Variants in DMRT1 observed in about 807,000 individuals in gnomAD.
The protein encoded by DMRT1 is doublesex- and mab-3-related transcription factor 1.
DMRT1 carries 7 observed loss-of-function variants against 32.3 expected under a neutral mutation model. That is an observed-to-expected ratio of 0.22 (90% CI 0.12 to 0.41). The LOEUF (loss-of-function observed/expected upper bound fraction) is 0.41, where lower values mean the gene tolerates loss of function less well. Ranked by LOEUF, DMRT1 falls within the 10% of genes least tolerant of loss-of-function variation. The probability of loss-of-function intolerance (pLI) is 1.00; values close to 1 mark genes in which losing one functional copy is unlikely to be tolerated. For synonymous variants in DMRT1, 278 were observed against 206.1 expected (o/e 1.35, Z -2.99); for missense variants, 625 against 500.5 (o/e 1.25, Z -2.37).
intron 4 of DMRT1, among the ~76,000 whole-genome samples, chr9:932,307 C>T (rs1586634887): frequency 3.9e-5 from 6 of 152,252 alleles, no homozygotes; most frequent in Admixed American, 3.9e-4. Flanking sequence ...TGCCAGTTTT[C>T]CTGGCAGATA....
In DMRT1 at chr9:870,292, G is replaced by A. The variant is rs1310876825; in HGVS notation, c.538+23149G>A. Among the ~76,000 whole-genome samples the A allele has an allele frequency of 2.0e-5, 3 of 152,034 alleles. No individual in the cohort carries two copies. In the South Asian group the frequency reaches 6.2e-4, roughly 32 times the overall value. ...CGTGCACCTGTAATCCCAGCTACTC[G>A]GGAGGCTGAGGCAAGAGAATCGCTT... is the stretch of plus-strand genomic sequence containing the variant. On this transcript the variant is annotated intron_variant, in intron 2 of 4. Coordinates refer to ENST00000382276, the MANE Select transcript of DMRT1 (RefSeq NM_021951.3).
chr9:860,337 A>C (rs895322139), intron 2 of DMRT1, among the ~76,000 whole-genome samples: 2 of 152,146 alleles, frequency 1.3e-5, no homozygotes, highest in African/African-American at 4.8e-5. Context: ...AAAATACACA[A>C]AATACAAATT....
chr9:906,275 T>C (rs1386755521), intron 3 of DMRT1, among the ~76,000 whole-genome samples: 2 of 152,138 alleles, frequency 1.3e-5, no homozygotes, highest in Non-Finnish European at 2.9e-5. Flanking sequence ...TGTGTGCGTG[T>C]GCTTAGTTAG....
rs574602293 is a variant in DMRT1 at position 852,415 on chromosome 9, A to G, written c.538+5272A>G. ...AAAATGTACTTTTTTTTTTTTTTCGAAAGTTATTAGCTGACTTAAATCTCA... is the reference window on the plus strand; with the variant it reads ...AAAATGTACTTTTTTTTTTTTTTCGGAAGTTATTAGCTGACTTAAATCTCA... On this transcript the variant is annotated intron_variant, in intron 2 of 4. Coordinates refer to ENST00000382276, the MANE Select transcript of DMRT1 (RefSeq NM_021951.3). Among the ~76,000 whole-genome samples, 18 of 141,092 alleles carry G rather than the reference A, an allele frequency of 1.3e-4. No individual in the cohort carries two copies. The South Asian group carries it at 3.3e-3, about 26-fold the overall frequency. 92.6% of individuals were successfully genotyped at this position (141,092 alleles called of 152,430 possible). A position where few individuals can be genotyped will look rare whatever the true frequency, so the allele number is the denominator to read the frequency against.
chr9:912,706 G>A lies in DMRT1; in HGVS notation c.823-4057G>A, dbSNP rs182868501. ...TTAGCCTGTTTTAGTTAATATAGGGGATTGTTGGGATCTCGTACTTCCAAG... is the reference window on the plus strand; with the variant it reads ...TTAGCCTGTTTTAGTTAATATAGGGAATTGTTGGGATCTCGTACTTCCAAG... On this transcript the variant is annotated intron_variant, in intron 3 of 4. Coordinates refer to ENST00000382276, the MANE Select transcript of DMRT1 (RefSeq NM_021951.3). Among the ~76,000 whole-genome samples, 6 of 152,130 alleles carry A rather than the reference G, an allele frequency of 3.9e-5. No homozygotes were observed. In the South Asian group the frequency reaches 6.2e-4, roughly 16 times the overall value.
At chr9:863,806 G>C (rs550415178) in intron 2 of DMRT1, among the ~76,000 whole-genome samples, 5 of 152,294 alleles carry the variant, frequency 3.3e-5, no homozygotes, top group African/African-American at 9.6e-5. Context: ...TTGTTAGTGG[G>C]GTTGAACATC....
chr9:950,017 A>G (rs1819377507), intron 4 of DMRT1, among the ~76,000 whole-genome samples: 1 of 152,216 alleles, frequency 6.6e-6, no homozygotes, highest in African/African-American at 2.4e-5. Context: ...GTGCTGCAGT[A>G]AATATGGGTG....
intron 4 of DMRT1, among the ~76,000 whole-genome samples, chr9:921,292 C>T (rs1432196132): frequency 1.3e-5 from 2 of 152,202 alleles, no homozygotes; most frequent in African/African-American, 2.4e-5. Context: ...TTTCATGATT[C>T]AGCTACACTG....
intron 2 of DMRT1, among the ~76,000 whole-genome samples, chr9:877,425 T>A (rs909016353): frequency 1.3e-5 from 2 of 152,338 alleles, no homozygotes; most frequent in East Asian, 3.9e-4. Context: ...GGTGGGCACA[T>A]GTATGGCCAG....
chr9:843,043 G>A (rs1175643779), intron 1 of DMRT1: 1 of 152,196 alleles, frequency 6.6e-6, no homozygotes, highest in Non-Finnish European at 1.5e-5. Flanking sequence ...AATTCTCTCC[G>A]CTTTGGGGTC....
At chr9:949,534 A>C (rs1161179423) in intron 4 of DMRT1, among the ~76,000 whole-genome samples, 4 of 152,170 alleles carry the variant, frequency 2.6e-5, no homozygotes, top group Non-Finnish European at 5.9e-5. Flanking sequence ...CACCTGCAAA[A>C]GTTTCTTACT....
intron 4 of DMRT1, among the ~76,000 whole-genome samples, chr9:952,392 G>GAT (rs1819456707): frequency 6.6e-6 from 1 of 152,172 alleles, no homozygotes. Flanking sequence ...TTGGACGTGA[G>GAT]ATAAAACATG....
At chr9:926,686 GTAGAGAGA>G (rs796434364) in intron 4 of DMRT1, among the ~76,000 whole-genome samples, 3,287 of 148,698 alleles carry the variant, frequency 0.022, 64 homozygotes, top group African/African-American at 0.048. Flanking sequence ...GAAGACACAG[GTAGAGAGA>G]GAGAGAGAGA....
intron 2 of DMRT1, among the ~76,000 whole-genome samples, chr9:870,490 C>T (rs954045991): frequency 6.6e-6 from 1 of 152,122 alleles, no homozygotes; most frequent in African/African-American, 2.4e-5. Flanking sequence ...CCCGTGACAG[C>T]ATCCGTCATA....
In DMRT1 at chr9:858,981, C is replaced by G. The variant is rs1815533145; in HGVS notation, c.538+11838C>G. ...TGCAACTGTCACCACCATCCATCTC[C>G]AGAACTTCCCAGACAGAAACTCTGT... On this transcript the variant is annotated intron_variant, in intron 2 of 4. Transcript: ENST00000382276. Among the ~76,000 whole-genome samples the G allele has an allele frequency of 2.0e-5, 3 of 151,780 alleles. No homozygotes were observed. The South Asian group carries it at 6.2e-4, about 32-fold the overall frequency.
intron 2 of DMRT1, among the ~76,000 whole-genome samples, chr9:878,211 A>G (rs10977252): frequency 1.0e-4 from 6 of 58,582 alleles, no homozygotes; most frequent in East Asian, 5.2e-4. Context: ...CCCCCCCCCC[A>G]CCCAATAAAA....
rs1564282594 is a variant in DMRT1 at position 968,124 on chromosome 9, C to T, written c.1107C>T (p.Ile369=). The T allele has an allele frequency of 1.9e-6, 3 of 1,611,776 alleles. No homozygotes were observed. Among genetic ancestry groups the T allele is most frequent in the South Asian group, 1.1e-5 (1 of 91,006 alleles). Reference sequence around the variant, plus strand: ...GCAGCTTCACAGTCACTCCCGTCATCGAGGAGGACGAGTGAGCAGTGCCTG... The same window carrying T: ...GCAGCTTCACAGTCACTCCCGTCATTGAGGAGGACGAGTGAGCAGTGCCTG... ...EPSSFTVTPV[I]EEDE The change falls in exon 5 of 5, where the codon ATC becomes ATT. Residue 369 remains isoleucine (I), a synonymous_variant. Transcript: ENST00000382276.
intron 2 of DMRT1, among the ~76,000 whole-genome samples, chr9:880,921 A>T (rs1816711251): frequency 6.6e-6 from 1 of 152,110 alleles, no homozygotes; most frequent in African/African-American, 2.4e-5. Context: ...AGGAAGTTGT[A>T]GGCGAGGACC....
chr9:925,113 A>T (rs1198953549), intron 4 of DMRT1, among the ~76,000 whole-genome samples: 1 of 152,202 alleles, frequency 6.6e-6, no homozygotes, highest in African/African-American at 2.4e-5. Flanking sequence ...GCAGCATGTT[A>T]GCAAGAATTA....
Sources: gnomAD v4.1 joint callset for allele counts (sites outside exome capture counted in the v4.1 genomes callset) on GRCh38, gnomAD v4.1.1 for gene constraint, MANE v1.5 for transcripts, NCBI Gene and HGNC (gene_info 2026-07-23, HGNC 2026-07-21) for gene names.